Variants in ERBB4 observed in about 807,000 individuals in gnomAD.
ERBB4 encodes the protein erb-b2 receptor tyrosine kinase 4.
ERBB4 carries 42 observed loss-of-function variants against 158.0 expected under a neutral mutation model. That is an observed-to-expected ratio of 0.27 (90% CI 0.21 to 0.34). The LOEUF is 0.34. ERBB4 is among the 10% of genes least tolerant of loss of function. The pLI is 1.00. For synonymous variants in ERBB4, 583 were observed against 558.7 expected (o/e 1.04, Z -0.61); for missense variants, 1,333 against 1,624.1 (o/e 0.82, Z 3.08).
chr2:212,128,179 T>C (rs765338112), intron 1 of ERBB4, among the ~76,000 whole-genome samples: 144 of 152,206 alleles, frequency 9.5e-4, no homozygotes, highest in African/African-American at 3.4e-3. Context: ...GTGATACGGA[T>C]GGATGCTATG....
chr2:212,205,212 G>A (rs531799237), intron 1 of ERBB4, among the ~76,000 whole-genome samples: 17 of 152,204 alleles, frequency 1.1e-4, no homozygotes, highest in African/African-American at 4.1e-4. Flanking sequence ...TCAGGCTGGA[G>A]TGCAGTGGCA....
chr2:212,061,089 G>C (rs1304261267), intron 2 of ERBB4, among the ~76,000 whole-genome samples: 1 of 151,978 alleles, frequency 6.6e-6, no homozygotes, highest in Non-Finnish European at 1.5e-5. Context: ...GGAGTGAAAA[G>C]AGAAGTCACA....
chr2:211,873,199 C>T (rs1175151511), intron 3 of ERBB4, among the ~76,000 whole-genome samples: 10 of 152,178 alleles, frequency 6.6e-5, no homozygotes, highest in Non-Finnish European at 1.5e-5. Flanking sequence ...TCTCTCCCAT[C>T]TCTCAGCATC....
At chr2:212,063,828 T>C (rs1196345645) in intron 2 of ERBB4, among the ~76,000 whole-genome samples, 1 of 152,150 alleles carries the variant, frequency 6.6e-6, no homozygotes, top group Admixed American at 6.6e-5. Flanking sequence ...GTGGTATCAG[T>C]TGTGGCTTGA....
intron 1 of ERBB4, among the ~76,000 whole-genome samples, chr2:212,373,951 C>CCATGTATATATCCAT (rs762810727): frequency 2.8e-5 from 1 of 35,180 alleles, no homozygotes; most frequent in African/African-American, 2.1e-4. Flanking sequence ...ATATATATAT[C>CCATGTATATATCCAT]ATATATATAT....
At chr2:211,641,811 C>A (rs947901287) in intron 16 of ERBB4, among the ~76,000 whole-genome samples, 1 of 151,964 alleles carries the variant, frequency 6.6e-6, no homozygotes, top group Non-Finnish European at 1.5e-5. Flanking sequence ...GTTTTTAGTA[C>A]TTATGTGTCT....
chr2:212,015,139 G>A (rs537472941), intron 2 of ERBB4, among the ~76,000 whole-genome samples: 2,193 of 137,268 alleles, frequency 0.016, 38 homozygotes, highest in Non-Finnish European at 0.027. Flanking sequence ...GGTGGCGGGT[G>A]CCTGTAGTCC....
At chr2:211,903,039 C>T (rs1230783278) in intron 3 of ERBB4, among the ~76,000 whole-genome samples, 3 of 151,970 alleles carry the variant, frequency 2.0e-5, no homozygotes, top group Non-Finnish European at 2.9e-5. Flanking sequence ...TGCAATGTCT[C>T]ATATATAGCT....
At position 211,792,213 on chromosome 2, in the gene ERBB4, A is replaced by G. The variant is rs117201452; in HGVS notation, c.422-4054T>C. On this transcript the variant is annotated intron_variant, in intron 3 of 27. Transcript: ENST00000342788. ...AGAATGAAAGTTATCGTTTCCCATA[A>G]ACACTCTACAGGTTATCTTGACTGG... is the stretch of plus-strand genomic sequence containing the variant. Among the ~76,000 whole-genome samples the G allele has an allele frequency of 1.7e-3, 264 of 151,824 alleles. 3 individuals are homozygous for G. The East Asian group carries it at 0.047, about 27-fold the overall frequency.
chr2:212,045,528 C>A (rs1047806712), intron 2 of ERBB4, among the ~76,000 whole-genome samples: 1 of 151,986 alleles, frequency 6.6e-6, no homozygotes, highest in African/African-American at 2.4e-5. Flanking sequence ...GTAGTATAAC[C>A]CTCAATTGCT....
At chr2:212,395,903 G>A (rs965214904) in intron 1 of ERBB4, among the ~76,000 whole-genome samples, 2 of 151,932 alleles carry the variant, frequency 1.3e-5, no homozygotes, top group African/African-American at 2.4e-5. Context: ...AGGTGTGAGC[G>A]ACCACGCCCA....
chr2:212,459,017 G>T (rs13420175), intron 1 of ERBB4, among the ~76,000 whole-genome samples: 282 of 152,066 alleles, frequency 1.9e-3, no homozygotes, highest in African/African-American at 6.5e-3. Flanking sequence ...ATTTTCATTC[G>T]CTAATTAGCT....
chr2:211,506,115 T>C lies in ERBB4; in HGVS notation c.2487+55788A>G, dbSNP rs183809311. Among the ~76,000 whole-genome samples the C allele has an allele frequency of 1.4e-4, 22 of 152,024 alleles. No homozygotes were observed. In the East Asian group the frequency reaches 4.2e-3, roughly 29 times the overall value. On this transcript the variant is annotated intron_variant, in intron 20 of 27. Coordinates refer to ENST00000342788, the MANE Select transcript of ERBB4 (RefSeq NM_005235.3). ...GATATATCATGTAAGTGGAAAACAA[T>C]AGTAAGCAGGAGTAGCCATTCTTAG...
intron 1 of ERBB4, among the ~76,000 whole-genome samples, chr2:212,489,729 A>G (rs906467407): frequency 1.3e-5 from 2 of 151,236 alleles, no homozygotes; most frequent in Non-Finnish European, 3.0e-5. Flanking sequence ...ATACATATAT[A>G]TATATATTAT....
At chr2:211,571,248 C>T (rs188577978) in intron 19 of ERBB4, among the ~76,000 whole-genome samples, 31 of 152,056 alleles carry the variant, frequency 2.0e-4, no homozygotes, top group Non-Finnish European at 1.8e-4. Flanking sequence ...TTGTTTTAGT[C>T]TGCAGTCTCT....
At chr2:212,142,004 A>T (rs533434962) in intron 1 of ERBB4, among the ~76,000 whole-genome samples, 4 of 152,236 alleles carry the variant, frequency 2.6e-5, no homozygotes, top group Admixed American at 2.6e-4. Context: ...TCTATCTGCT[A>T]CTTTTCTGAT....
intron 2 of ERBB4, among the ~76,000 whole-genome samples, chr2:211,993,479 A>G (rs1417119808): frequency 6.6e-6 from 1 of 152,130 alleles, no homozygotes; most frequent in Non-Finnish European, 1.5e-5. Context: ...TAGCTAACTG[A>G]GGCAATCCAA....
chr2:211,824,537 T>C (rs2077055646), intron 3 of ERBB4, among the ~76,000 whole-genome samples: 1 of 152,056 alleles, frequency 6.6e-6, no homozygotes, highest in Non-Finnish European at 1.5e-5. Flanking sequence ...CCCATAAAAC[T>C]AATTTATATT....
chr2:212,224,140 T>C (rs2083395021), intron 1 of ERBB4, among the ~76,000 whole-genome samples: 1 of 151,958 alleles, frequency 6.6e-6, no homozygotes, highest in Non-Finnish European at 1.5e-5. Context: ...ATTTTTGCTA[T>C]GATTTTTGTT....
Sources: gnomAD v4.1 joint callset for allele counts (sites outside exome capture counted in the v4.1 genomes callset) on GRCh38, gnomAD v4.1.1 for gene constraint, MANE v1.5 for transcripts, NCBI Gene and HGNC (gene_info 2026-07-23, HGNC 2026-07-21) for gene names.